Variants in MCTP2 observed in about 807,000 individuals in gnomAD.
MCTP2 encodes the protein multiple C2 and transmembrane domain containing 2.
MCTP2 carries 132 observed loss-of-function variants against 111.6 expected under a neutral mutation model. The ratio of observed to expected loss-of-function variants is 1.18; its 90% CI spans 1.03 to 1.37. MCTP2 has a LOEUF of 1.37. Ranked by LOEUF, MCTP2 falls within the 40% of genes most tolerant of loss-of-function variation. The pLI, the probability that MCTP2 is intolerant of heterozygous loss-of-function variation, is 0.00. For synonymous variants in MCTP2, 395 were observed against 387.7 expected, an observed-to-expected ratio of 1.02 and a Z score of -0.22; for missense variants, 1,183 against 1,067.9, an observed-to-expected ratio of 1.11 and a Z score of -1.50.
chr15:94,265,310 A>G (rs185509251), intron 1 of MCTP2, among the ~76,000 whole-genome samples: 4 of 152,266 alleles, frequency 2.6e-5, no homozygotes, highest in Admixed American at 2.6e-4. Flanking sequence ...GGGTTATATG[A>G]AAATGGTAAT....
intron 2 of MCTP2, among the ~76,000 whole-genome samples, chr15:94,303,131 TTATA>T (rs373687041): frequency 6.3e-5 from 9 of 142,446 alleles, no homozygotes; most frequent in South Asian, 2.2e-4. Flanking sequence ...TATATATAGT[TTATA>T]TATATATATA....
intron 1 of MCTP2, among the ~76,000 whole-genome samples, chr15:94,272,528 A>G (rs1040554873): frequency 6.6e-6 from 1 of 151,904 alleles, no homozygotes. Context: ...AACCTACTTT[A>G]GGCAGATTTT....
intron 2 of MCTP2, among the ~76,000 whole-genome samples, chr15:94,306,721 C>T (rs1200847439): frequency 6.6e-6 from 1 of 152,206 alleles, no homozygotes; most frequent in Non-Finnish European, 1.5e-5. Context: ...GGGGTATGTC[C>T]TTCCCTGACA....
chr15:94,396,736 T>G (rs2081302781), intron 14 of MCTP2, among the ~76,000 whole-genome samples: 1 of 152,198 alleles, frequency 6.6e-6, no homozygotes, highest in African/African-American at 2.4e-5. Context: ...AGATATTCCT[T>G]GTAGCAGACA....
intron 19 of MCTP2, among the ~76,000 whole-genome samples, chr15:94,450,166 C>G (rs1220483311): frequency 6.6e-6 from 1 of 151,804 alleles, no homozygotes; most frequent in Non-Finnish European, 1.5e-5. Context: ...ATGTAATGAA[C>G]AGATAGAGCA....
intron 19 of MCTP2, among the ~76,000 whole-genome samples, chr15:94,444,864 G>A (rs1399283491): frequency 6.6e-6 from 1 of 152,160 alleles, no homozygotes; most frequent in African/African-American, 2.4e-5. Context: ...ACCACCAGTA[G>A]AAGAGGATGT....
intron 12 of MCTP2, among the ~76,000 whole-genome samples, chr15:94,383,482 A>G (rs544923478): frequency 5.8e-4 from 88 of 152,272 alleles, no homozygotes; most frequent in African/African-American, 1.8e-3. Flanking sequence ...ATAAATACAT[A>G]CCTGAGGCTG....
intron 17 of MCTP2, among the ~76,000 whole-genome samples, chr15:94,422,052 G>A (rs2082652901): frequency 6.6e-6 from 1 of 152,142 alleles, no homozygotes; most frequent in East Asian, 1.9e-4. Context: ...AACTGAGAGT[G>A]GCTGGGAGGA....
Position 94,458,240 on chromosome 15 carries a change from T to A in MCTP2, c.2354T>A (p.Ile785Asn). The change falls in exon 20 of 23, where the codon ATT (isoleucine) becomes AAT (asparagine). Residue 785 changes from isoleucine (I) to asparagine (N), a missense_variant. Coordinates refer to ENST00000357742, the MANE Select transcript of MCTP2 (RefSeq NM_001385001.1). ...LEEIASFGER[I>N]KNTFNWTVPF... is the part of the protein sequence containing the mutation. ...GAAATAGCTTCTTTTGGAGAAAGGA[T>A]TAAGAAGTAAGTTCTAAATTTGTGT... 1 of 1,590,078 alleles carries A rather than the reference T, an allele frequency of 6.3e-7. No individual in the cohort carries two copies. Among genetic ancestry groups the A allele is most frequent in the Non-Finnish European group, 8.6e-7 (1 of 1,158,148 alleles).
At chr15:94,416,766 GA>G (rs1008062263) in intron 17 of MCTP2, among the ~76,000 whole-genome samples, 31 of 152,014 alleles carry the variant, frequency 2.0e-4, no homozygotes, top group African/African-American at 7.5e-4. Context: ...AAAAAGAAAA[GA>G]AAAAAATAGA....
chr15:94,385,384 G>A (rs752187147), intron 13 of MCTP2, 39 bp from the exon 14 acceptor site: 4 of 1,348,856 alleles, frequency 3.0e-6, no homozygotes, highest in South Asian at 1.2e-5. Flanking sequence ...GACTTCACTT[G>A]TGTGTTTTTG....
At position 94,245,308 on chromosome 15, in the gene MCTP2, A is replaced by G. The variant is rs551103546; in HGVS notation, c.-66+13644A>G. 4.9e-5 allele frequency among the ~76,000 whole-genome samples: 7 copies of G among 142,480 alleles called. No homozygotes were observed. In the South Asian group the frequency reaches 1.3e-3, roughly 27 times the overall value. The allele number at this position is 142,480 out of a possible 152,430, so 93.5% of individuals were successfully genotyped here. ...CACATATGTATATATTTATATACAT[A>G]TATGTACATATATTTACATACATAT... On this transcript the variant is annotated intron_variant, in intron 1 of 22. Coordinates refer to ENST00000357742, the MANE Select transcript of MCTP2 (RefSeq NM_001385001.1).
intron 1 of MCTP2, among the ~76,000 whole-genome samples, chr15:94,270,819 C>T (rs1489029241): frequency 6.6e-6 from 1 of 152,178 alleles, no homozygotes; most frequent in Admixed American, 6.5e-5. Context: ...TGTTTCCACT[C>T]GGTTGTTTCT....
intron 1 of MCTP2, among the ~76,000 whole-genome samples, chr15:94,254,163 G>T (rs181676552): frequency 2.7e-4 from 41 of 152,224 alleles, no homozygotes; most frequent in Admixed American, 2.4e-3. Context: ...TATTTGAATT[G>T]CATCACTTTC....
intron 3 of MCTP2, 98 bp downstream of exon 3, chr15:94,314,442 A>G (rs2076290318): frequency 1.1e-6 from 1 of 918,430 alleles, no homozygotes; most frequent in South Asian, 1.6e-5. Flanking sequence ...TTGCTAAAAA[A>G]AAAAAAAAAA....
intron 7 of MCTP2, 57 bp downstream of exon 7, chr15:94,340,981 C>G (rs759239912): frequency 4.6e-6 from 5 of 1,083,494 alleles, no homozygotes; most frequent in Admixed American, 3.5e-5. Flanking sequence ...TGAAATGGCT[C>G]ATTGCAATTG....
chr15:94,469,419 G>A (rs74348769), intron 20 of MCTP2, among the ~76,000 whole-genome samples: 1,975 of 152,290 alleles, frequency 0.013, 51 homozygotes, highest in African/African-American at 0.044. Context: ...AATACATAGT[G>A]TAATCACCTA....
intron 12 of MCTP2, among the ~76,000 whole-genome samples, chr15:94,372,165 G>A (rs529800357): frequency 6.6e-6 from 1 of 152,356 alleles, no homozygotes; most frequent in Admixed American, 6.5e-5. Context: ...GATAGCAGTA[G>A]TTAGAAATGA....
Position 94,339,471 on chromosome 15 carries a change from A to G in MCTP2, c.780+39A>G, listed in dbSNP as rs1036120430. 6 of 1,526,218 alleles carry G rather than the reference A, an allele frequency of 3.9e-6. No individual in the cohort carries two copies. The Admixed American group carries it at 6.4e-5, about 16-fold the overall frequency. The allele number at this position is 1,526,218 out of a possible 1,614,324, so 94.5% of individuals were successfully genotyped here. A position where few individuals can be genotyped will look rare whatever the true frequency, so the allele number is the denominator to read the frequency against. Reference sequence around the variant, plus strand: ...GCTTTCAAATCTGCTCCTTTATTAAAAACATTTCTCAGCAGTTTCTCATGT... The same window carrying G: ...GCTTTCAAATCTGCTCCTTTATTAAGAACATTTCTCAGCAGTTTCTCATGT... On this transcript the variant is annotated intron_variant, in intron 5 of 22. Transcript: ENST00000357742.
Sources: gnomAD v4.1 joint callset for allele counts (sites outside exome capture counted in the v4.1 genomes callset) on GRCh38, gnomAD v4.1.1 for gene constraint, MANE v1.5 for transcripts, NCBI Gene and HGNC (gene_info 2026-07-23, HGNC 2026-07-21) for gene names.